HRH1: variants seen among roughly 807,000 people sequenced by gnomAD.
The protein encoded by HRH1 is histamine H1 receptor.
A neutral mutation model predicts 10.3 loss-of-function variants in HRH1; 6 were observed. The observed-to-expected ratio is 0.58, with a 90% CI of 0.32 to 1.15. The LOEUF (loss-of-function observed/expected upper bound fraction) is 1.15. HRH1 is among the 50% of genes most tolerant of loss of function. The pLI is 0.05. For missense variants in HRH1, 514 were observed against 615.3 expected, an observed-to-expected ratio of 0.84 and a Z score of 1.74; for synonymous variants, 242 against 236.7, an observed-to-expected ratio of 1.02 and a Z score of -0.21.
intron 1 of HRH1, among the ~76,000 whole-genome samples, chr3:11,160,388 A>C (rs969820163): frequency 6.6e-6 from 1 of 152,208 alleles, no homozygotes; most frequent in Non-Finnish European, 1.5e-5. Context: ...TAACAATGCT[A>C]TGAGGTAGTT....
Position 11,260,098 on chromosome 3 carries a change from A to T in HRH1, c.1061A>T (p.Asp354Val), listed in dbSNP as rs1559289502. The T allele has an allele frequency of 1.2e-6, 2 of 1,613,998 alleles. No individual in the cohort carries two copies. ...SEISEDQMLG[D>V]SQSFSRTDSD... ...ATATCAGAGGATCAGATGTTAGGTG[A>T]TAGCCAATCCTTCTCTCGAACGGAC... The change falls in exon 2 of 2, where the codon GAT becomes GTT. Residue 354 changes from aspartate (D) to valine (V), a missense_variant. Physicochemically the swap from Asp to Val is radical, Grantham distance 152. Transcript: ENST00000431010.
In HRH1 at chr3:11,238,424, T is replaced by C. The variant is rs1191363605; in HGVS notation, c.-35-20579T>C. ...TTTTCATTTAAATGAAACTGAAGAA[T>C]CTTATAGCTGATCCTGTTTCCCAGC... On this transcript the variant is annotated intron_variant, in intron 1 of 1. Transcript: ENST00000431010. 2.0e-5 allele frequency among the ~76,000 whole-genome samples: 3 copies of C among 152,202 alleles called. No individual in the cohort carries two copies. The South Asian group carries it at 6.2e-4, about 32-fold the overall frequency.
chr3:11,235,374 C>T (rs544100709), intron 1 of HRH1, among the ~76,000 whole-genome samples: 5 of 133,170 alleles, frequency 3.8e-5, no homozygotes, highest in African/African-American at 5.7e-5. Flanking sequence ...CAGAGGAAGC[C>T]GGAGGACACA....
chr3:11,193,646 G>A (rs1937590828), intron 1 of HRH1, among the ~76,000 whole-genome samples: 1 of 152,178 alleles, frequency 6.6e-6, no homozygotes, highest in Admixed American at 6.5e-5. Flanking sequence ...ATAAGCAACA[G>A]AAATTTATTT....
At chr3:11,174,779 A>T (rs1390053223) in intron 1 of HRH1, among the ~76,000 whole-genome samples, 1 of 152,174 alleles carries the variant, frequency 6.6e-6, no homozygotes, top group Admixed American at 6.5e-5. Context: ...GGCTGCTCCC[A>T]GCTGGCCCCC....
At chr3:11,168,696 GAC>G (rs1429849087) in intron 1 of HRH1, among the ~76,000 whole-genome samples, 1 of 152,244 alleles carries the variant, frequency 6.6e-6, no homozygotes, top group East Asian at 1.9e-4. Context: ...GCACAAAGCA[GAC>G]ACACAATGAT....
At chr3:11,138,089 C>T (rs1319114605) in intron 1 of HRH1, among the ~76,000 whole-genome samples, 1 of 151,866 alleles carries the variant, frequency 6.6e-6, no homozygotes, top group Non-Finnish European at 1.5e-5. Flanking sequence ...GATCTCTGCT[C>T]ACTGCAAGCT....
intron 1 of HRH1, among the ~76,000 whole-genome samples, chr3:11,156,327 C>T (rs1936793903): frequency 6.6e-6 from 1 of 152,138 alleles, no homozygotes; most frequent in African/African-American, 2.4e-5. Flanking sequence ...GAGCAGCCTG[C>T]CAAGAGACCC....
At chr3:11,242,056 G>A (rs1391035851) in intron 1 of HRH1, among the ~76,000 whole-genome samples, 3 of 152,082 alleles carry the variant, frequency 2.0e-5, no homozygotes, top group African/African-American at 7.2e-5. Context: ...ACAAATACGG[G>A]AATAAAAGCT....
chr3:11,205,241 T>A (rs1938073047), intron 1 of HRH1, among the ~76,000 whole-genome samples: 2 of 152,064 alleles, frequency 1.3e-5, no homozygotes, highest in Non-Finnish European at 2.9e-5. Flanking sequence ...CCACCCTAAA[T>A]AGAACGCATT....
At chr3:11,221,846 A>G (rs1938721625) in intron 1 of HRH1, among the ~76,000 whole-genome samples, 1 of 152,114 alleles carries the variant, frequency 6.6e-6, no homozygotes, top group Non-Finnish European at 1.5e-5. Context: ...ATCATGCAGT[A>G]TTTCTCTTTC....
chr3:11,201,220 A>G (rs533713061), intron 1 of HRH1, among the ~76,000 whole-genome samples: 1 of 152,296 alleles, frequency 6.6e-6, no homozygotes, highest in South Asian at 2.1e-4. Context: ...CACATAAACC[A>G]ATTGCCCTAC....
intron 1 of HRH1, among the ~76,000 whole-genome samples, chr3:11,177,671 C>A (rs552169408): frequency 6.6e-6 from 1 of 152,328 alleles, no homozygotes; most frequent in East Asian, 1.9e-4. Context: ...TTAAGGCCCC[C>A]AGCCCCTTTC....
chr3:11,196,130 G>A lies in HRH1; in HGVS notation c.-36+41576G>A, dbSNP rs114388749. On this transcript the variant is annotated intron_variant, in intron 1 of 1. Coordinates refer to ENST00000431010, the MANE Select transcript of HRH1 (RefSeq NM_001098212.2). ...CCCTCCTCCCTCTTAAAGCTCCTCG[G>A]TGCCCCTGGTGTTCTTAGGCTGGAG... is the stretch of plus-strand genomic sequence containing the variant. Among the ~76,000 whole-genome samples, 458 of 152,190 alleles carry A rather than the reference G, an allele frequency of 3.0e-3. 1 individual carries two copies. The highest frequency in any genetic ancestry group is 0.01 in the African/African-American group (432 of 41,532).
At chr3:11,208,795 T>C (rs1257483375) in intron 1 of HRH1, among the ~76,000 whole-genome samples, 5 of 152,248 alleles carry the variant, frequency 3.3e-5, no homozygotes, top group Non-Finnish European at 5.9e-5. Context: ...TAATGACTGC[T>C]GTTTATATTG....
intron 1 of HRH1, among the ~76,000 whole-genome samples, chr3:11,172,301 T>G (rs968546041): frequency 2.0e-5 from 3 of 152,242 alleles, no homozygotes; most frequent in Admixed American, 2.0e-4. Flanking sequence ...GTGGGAAAGA[T>G]GAGGCCTGGG....
chr3:11,163,382 T>C (rs1032144068), intron 1 of HRH1, among the ~76,000 whole-genome samples: 1 of 152,224 alleles, frequency 6.6e-6, no homozygotes, highest in Non-Finnish European at 1.5e-5. Flanking sequence ...TCTGGAAAGA[T>C]GTCCCTGATA....
intron 1 of HRH1, among the ~76,000 whole-genome samples, chr3:11,183,271 T>C (rs1012018856): frequency 2.0e-5 from 3 of 152,216 alleles, no homozygotes; most frequent in Non-Finnish European, 2.9e-5. Flanking sequence ...CAGGCTGATC[T>C]GCTTCCTCAC....
chr3:11,204,386 G>A (rs1188686800), intron 1 of HRH1, among the ~76,000 whole-genome samples: 4 of 152,154 alleles, frequency 2.6e-5, no homozygotes, highest in African/African-American at 9.7e-5. Context: ...TGCTGTTTGA[G>A]CTGAGATTGG....
Sources: allele counts gnomAD v4.1 joint callset (sites outside exome capture counted in the v4.1 genomes callset), GRCh38; gene constraint gnomAD v4.1.1; transcripts MANE v1.5; gene names NCBI Gene and HGNC (gene_info 2026-07-23, HGNC 2026-07-21).